Variants in GLIS1 observed in about 807,000 individuals in gnomAD.
GLIS1 encodes the protein GLIS family zinc finger 1.
In GLIS1, 24 loss-of-function variants were observed where a neutral mutation model predicts 63.8. That is an observed-to-expected ratio of 0.38 (90% CI 0.27 to 0.53). The LOEUF (loss-of-function observed/expected upper bound fraction) is 0.53. Ranked by LOEUF, GLIS1 falls within the 20% of genes least tolerant of loss-of-function variation. The pLI, the probability that GLIS1 is intolerant of heterozygous loss-of-function variation, is 0.85. For missense variants in GLIS1, 1,036 were observed against 1,074.1 expected (o/e 0.96, Z 0.50); for synonymous variants, 450 against 482.5 (o/e 0.93, Z 0.88).
intron 2 of GLIS1, among the ~76,000 whole-genome samples, chr1:53,665,377 T>C (rs1439932715): frequency 1.3e-5 from 2 of 152,042 alleles, no homozygotes; most frequent in Non-Finnish European, 1.5e-5. Flanking sequence ...CTTTTAGACA[T>C]CCAACTGAAA....
Position 53,560,095 on chromosome 1 carries a change from G to A in GLIS1, c.1321-30143C>T, listed in dbSNP as rs1405405678. On this transcript the variant is annotated intron_variant, in intron 4 of 10. Transcript: ENST00000628545. The surrounding 1 kb of genome is among the most constrained non-coding windows in gnomAD (Gnocchi z 4.4). Reference sequence around the variant, plus strand: ...CCCACAGCTGCATGCCTAGCAGGATGAAGCACACACACAACATAAGGAATT... The same window carrying A: ...CCCACAGCTGCATGCCTAGCAGGATAAAGCACACACACAACATAAGGAATT... 6.6e-6 allele frequency among the ~76,000 whole-genome samples: 1 copy of A among 152,178 alleles called. No homozygotes were observed. The highest frequency in any genetic ancestry group is 1.5e-5 in the Non-Finnish European group (1 of 68,020).
At chr1:53,616,000 G>A (rs1645478685) in intron 2 of GLIS1, among the ~76,000 whole-genome samples, 1 of 152,046 alleles carries the variant, frequency 6.6e-6, no homozygotes, top group African/African-American at 2.4e-5. Flanking sequence ...CACCCACCTC[G>A]GCCTGCCAAA....
intron 7 of GLIS1, 115 bp from the exon 8 acceptor site, chr1:53,514,896 A>G: frequency 7.9e-7 from 1 of 1,271,342 alleles, no homozygotes; most frequent in Non-Finnish European, 1.1e-6. Flanking sequence ...AGGGAAAATG[A>G]ACAACGTTGT....
chr1:53,506,336 C>A lies in GLIS1; in HGVS notation c.*283G>T. 1 of 448,688 alleles carries A rather than the reference C, an allele frequency of 2.2e-6. No individual in the cohort carries two copies. The highest frequency in any genetic ancestry group is 3.3e-5 in the East Asian group (1 of 30,060). 27.8% of individuals were successfully genotyped at this position (448,688 alleles called of 1,614,324 possible). A position where few individuals can be genotyped will look rare whatever the true frequency, so the allele number is the denominator to read the frequency against. On this transcript the variant is annotated 3_prime_UTR_variant, in exon 11 of 11. Transcript: ENST00000628545. ...TCTGCATATTTTATATACACGAGGT[C>A]TGTGATTTCAAAACCACTGCGGGGA...
intron 2 of GLIS1, among the ~76,000 whole-genome samples, chr1:53,651,186 T>C (rs923821095): frequency 6.6e-6 from 1 of 152,252 alleles, no homozygotes; most frequent in Non-Finnish European, 1.5e-5. Flanking sequence ...ATGCCTTTCA[T>C]GTGCACATTG....
chr1:53,520,992 A>G (rs1644402593), intron 6 of GLIS1, among the ~76,000 whole-genome samples: 1 of 152,188 alleles, frequency 6.6e-6, no homozygotes, highest in Non-Finnish European at 1.5e-5. Context: ...TTCAACATGC[A>G]AGGATTTAAA....
intron 3 of GLIS1, among the ~76,000 whole-genome samples, chr1:53,597,697 C>T (rs1467438334): frequency 3.3e-5 from 5 of 152,056 alleles, no homozygotes; most frequent in Middle Eastern, 3.4e-3. Context: ...AGATCAGGTG[C>T]GGCATAGGGG....
At chr1:53,580,016 G>C (rs968091064) in intron 4 of GLIS1, among the ~76,000 whole-genome samples, 2 of 152,212 alleles carry the variant, frequency 1.3e-5, no homozygotes, top group Admixed American at 1.3e-4. Context: ...GAAAATGCAT[G>C]TGCAGCCACC....
intron 2 of GLIS1, among the ~76,000 whole-genome samples, chr1:53,722,104 T>C (rs1281909118): frequency 6.6e-6 from 1 of 152,188 alleles, no homozygotes; most frequent in Non-Finnish European, 1.5e-5. Flanking sequence ...AGATGTCAAT[T>C]CCATCTTCAA....
intron 4 of GLIS1, among the ~76,000 whole-genome samples, chr1:53,555,863 G>A (rs1644815030): frequency 6.7e-6 from 1 of 149,238 alleles, no homozygotes; most frequent in African/African-American, 2.5e-5. Flanking sequence ...CTGTAGGTAT[G>A]TGTGTGCAGG....
chr1:53,573,903 AG>A (rs1186806571), intron 4 of GLIS1, among the ~76,000 whole-genome samples: 1 of 152,222 alleles, frequency 6.6e-6, no homozygotes, highest in Non-Finnish European at 1.5e-5. Flanking sequence ...CTGGCATCTA[AG>A]GGGCTCTTTT....
chr1:53,721,902 C>T (rs17388507), intron 2 of GLIS1, among the ~76,000 whole-genome samples: 1 of 151,960 alleles, frequency 6.6e-6, no homozygotes, highest in Non-Finnish European at 1.5e-5. Context: ...ATATTAGTAA[C>T]AAATATGATG....
rs56967382 is a variant in GLIS1 at position 53,539,251 on chromosome 1, C to CAG, written c.1321-9300_1321-9299insCT. Among the ~76,000 whole-genome samples the CAG allele has an allele frequency of 0.39, 58,690 of 150,314 alleles. 12,840 individuals are homozygous for CAG. The highest frequency in any genetic ancestry group is 0.51 in the Middle Eastern group (148 of 290). ...CAACACACACACATGGATTCACACA[C>CAG]ACACACACACCAAGACCCAGAAACT... On this transcript the variant is annotated intron_variant, in intron 4 of 10. Transcript: ENST00000628545. The surrounding 1 kb of genome is among the most constrained non-coding windows in gnomAD (Gnocchi z 5.0).
At chr1:53,524,965 GGA>G in intron 5 of GLIS1, 78 bp from the exon 6 acceptor site, 1 of 1,090,256 alleles carries the variant, frequency 9.2e-7, no homozygotes, top group Non-Finnish European at 1.4e-6. Context: ...CCTGCTGTGG[GGA>G]GGTGACCAGG....
chr1:53,685,303 C>T (rs761933047), intron 2 of GLIS1, among the ~76,000 whole-genome samples: 57 of 152,222 alleles, frequency 3.7e-4, no homozygotes, highest in Non-Finnish European at 7.5e-4. Flanking sequence ...TTGGAGCCCG[C>T]GGACATACCA....
At chr1:53,704,734 C>A (rs1352308258) in intron 2 of GLIS1, among the ~76,000 whole-genome samples, 1 of 152,206 alleles carries the variant, frequency 6.6e-6, no homozygotes, top group Non-Finnish European at 1.5e-5. Context: ...TAGCCCCTGG[C>A]TCTGTGGGCT....
chr1:53,549,857 A>T (rs559900268), intron 4 of GLIS1, among the ~76,000 whole-genome samples: 1 of 152,294 alleles, frequency 6.6e-6, no homozygotes, highest in South Asian at 2.1e-4. Flanking sequence ...CCATATTACC[A>T]ATGGGCAAAC....
intron 2 of GLIS1, among the ~76,000 whole-genome samples, chr1:53,630,497 CTTT>C (rs5774154): frequency 2.1e-5 from 3 of 144,996 alleles, no homozygotes; most frequent in Non-Finnish European, 4.6e-5. Flanking sequence ...CAATTTCTTT[CTTT>C]TTTTTTTTTT....
At chr1:53,642,983 G>T (rs967027852) in intron 2 of GLIS1, among the ~76,000 whole-genome samples, 12 of 152,176 alleles carry the variant, frequency 7.9e-5, no homozygotes, top group Non-Finnish European at 1.5e-4. Context: ...GAGGAAACGT[G>T]TTCTATCGCT....
Sources: allele counts gnomAD v4.1 joint callset (sites outside exome capture counted in the v4.1 genomes callset), GRCh38; gene constraint gnomAD v4.1.1; non-coding constraint Gnocchi (gnomAD v3.1); transcripts MANE v1.5; gene names NCBI Gene and HGNC (gene_info 2026-07-23, HGNC 2026-07-21).